CRTAC1: variants seen among roughly 807,000 people sequenced by gnomAD.
The protein encoded by CRTAC1 is cartilage acidic protein 1, also known as acidic secreted protein in cartilage.
Under a neutral mutation model 67.8 loss-of-function variants are expected in CRTAC1, and 37 were observed. That is an observed-to-expected ratio of 0.55 (90% CI 0.42 to 0.72). CRTAC1 has a LOEUF of 0.72. Ranked by LOEUF, CRTAC1 falls within the 30% of genes least tolerant of loss-of-function variation. The pLI is 0.00. For synonymous variants in CRTAC1, 348 were observed against 371.0 expected, an observed-to-expected ratio of 0.94 and a Z score of 0.71; for missense variants, 780 against 931.6, an observed-to-expected ratio of 0.84 and a Z score of 2.12.
chr10:97,903,963 C>G (rs956088157), intron 7 of CRTAC1, among the ~76,000 whole-genome samples: 1 of 151,928 alleles, frequency 6.6e-6, no homozygotes, highest in Non-Finnish European at 1.5e-5. Context: ...CCACTTTGCC[C>G]TTGGTTTGAA....
intron 2 of CRTAC1, among the ~76,000 whole-genome samples, chr10:98,007,447 G>A (rs1336284178): frequency 1.3e-5 from 2 of 152,204 alleles, no homozygotes; most frequent in Non-Finnish European, 2.9e-5. Context: ...AAATTAGAAT[G>A]TGTCTTTCTG....
intron 2 of CRTAC1, among the ~76,000 whole-genome samples, chr10:97,980,564 T>C (rs758525709): frequency 1.4e-4 from 21 of 152,330 alleles, no homozygotes; most frequent in Admixed American, 2.6e-4. Context: ...GAGGTGATAG[T>C]GTCACAGGAG....
Position 98,021,520 on chromosome 10 carries a change from AC to A in CRTAC1, c.24+8928del, listed in dbSNP as rs1416031900. 2.6e-5 allele frequency among the ~76,000 whole-genome samples: 4 copies of A among 152,326 alleles called. No individual in the cohort carries two copies. In the East Asian group the frequency reaches 7.7e-4, roughly 29 times the overall value. ...AAGTCACAGCAGGTTCTTAATAGGT[AC>A]TATTAACTGCTCAGACTTCCCGTTC... On this transcript the variant is annotated intron_variant, in intron 1 of 14. Coordinates refer to ENST00000370597, the MANE Select transcript of CRTAC1 (RefSeq NM_018058.7).
intron 2 of CRTAC1, among the ~76,000 whole-genome samples, chr10:97,938,287 A>T (rs2051120977): frequency 6.6e-6 from 1 of 152,170 alleles, no homozygotes; most frequent in South Asian, 2.1e-4. Context: ...TGGGGACAGG[A>T]AGTGCCTGTG....
At chr10:97,976,207 A>G (rs2051800557) in intron 2 of CRTAC1, among the ~76,000 whole-genome samples, 1 of 152,246 alleles carries the variant, frequency 6.6e-6, no homozygotes, top group East Asian at 1.9e-4. Context: ...CTCTGCGCTC[A>G]TTCCACTTCT....
chr10:97,884,424 C>T, intron 11 of CRTAC1, 73 bp from the exon 12 acceptor site: 2 of 1,324,948 alleles, frequency 1.5e-6, no homozygotes, highest in Non-Finnish European at 2.1e-6. Context: ...TCAGCATCAA[C>T]TAATTCATCC....
intron 1 of CRTAC1, among the ~76,000 whole-genome samples, chr10:98,018,318 C>T (rs1308917937): frequency 1.3e-5 from 2 of 150,222 alleles, no homozygotes; most frequent in Middle Eastern, 3.5e-3. Context: ...GACCTTGGGC[C>T]TATTCCTTGA....
intron 11 of CRTAC1, among the ~76,000 whole-genome samples, chr10:97,886,122 C>T (rs931867959): frequency 5.3e-5 from 8 of 152,086 alleles, no homozygotes; most frequent in Non-Finnish European, 1.0e-4. Context: ...CCTGTAGAGA[C>T]CACTGTGGGG....
chr10:97,882,609 CCCTG>C (rs1463314270), intron 13 of CRTAC1, among the ~76,000 whole-genome samples, 173 bp downstream of exon 13: 2 of 152,208 alleles, frequency 1.3e-5, no homozygotes, highest in Non-Finnish European at 2.9e-5. Context: ...ATCACTCCCA[CCCTG>C]GTGAGTCATG....
At chr10:97,954,989 C>G (rs1010391578) in intron 2 of CRTAC1, among the ~76,000 whole-genome samples, 68 of 152,186 alleles carry the variant, frequency 4.5e-4, no homozygotes, top group Admixed American at 9.8e-4. Flanking sequence ...GGGGGACCAC[C>G]ATTCAACCAC....
chr10:98,002,761 C>CTGTTTTTTTTTTTTTTTTTTTT (rs771351655), intron 2 of CRTAC1, among the ~76,000 whole-genome samples: 2 of 37,268 alleles, frequency 5.4e-5, no homozygotes, highest in African/African-American at 8.0e-5. Flanking sequence ...ACAAAACTCA[C>CTGTTTTTTTTTTTTTTTTTTTT]TTTTTTTTTT....
At chr10:97,881,476 C>A (rs147325385) in intron 13 of CRTAC1, among the ~76,000 whole-genome samples, 1 of 152,178 alleles carries the variant, frequency 6.6e-6, no homozygotes, top group African/African-American at 2.4e-5. Flanking sequence ...TGTGGTCATG[C>A]GTTCAGGGTC....
chr10:97,926,800 T>G (rs917998646), intron 3 of CRTAC1, among the ~76,000 whole-genome samples: 1 of 152,192 alleles, frequency 6.6e-6, no homozygotes, highest in Non-Finnish European at 1.5e-5. Context: ...GACTTGGACT[T>G]AGGCCGCCAT....
chr10:97,974,519 C>T (rs1250982123), intron 2 of CRTAC1, among the ~76,000 whole-genome samples: 1 of 152,228 alleles, frequency 6.6e-6, no homozygotes, highest in Non-Finnish European at 1.5e-5. Context: ...TCTTTCGACA[C>T]TTCCCAATAT....
chr10:97,940,870 A>G (rs1418098325), intron 2 of CRTAC1, among the ~76,000 whole-genome samples: 1 of 152,180 alleles, frequency 6.6e-6, no homozygotes, highest in Non-Finnish European at 1.5e-5. Flanking sequence ...TAGAAAAACA[A>G]CAAACCCGGG....
chr10:97,913,089 T>C (rs932241963), intron 5 of CRTAC1, among the ~76,000 whole-genome samples: 3 of 151,530 alleles, frequency 2.0e-5, no homozygotes, highest in South Asian at 2.1e-4. Context: ...GCAGAAATGC[T>C]GGAAACGTGG....
At chr10:97,896,208 T>C (rs2050457012) in intron 9 of CRTAC1, among the ~76,000 whole-genome samples, 1 of 152,208 alleles carries the variant, frequency 6.6e-6, no homozygotes. Flanking sequence ...CCCTGGTCTT[T>C]GCATGGAGAG....
chr10:97,927,315 C>A (rs191505069), intron 3 of CRTAC1, among the ~76,000 whole-genome samples: 1 of 152,192 alleles, frequency 6.6e-6, no homozygotes, highest in East Asian at 1.9e-4. Flanking sequence ...TGGGAAAGAA[C>A]GCACACTCAC....
chr10:97,883,573 C>T (rs990536122), intron 12 of CRTAC1, among the ~76,000 whole-genome samples: 3 of 152,236 alleles, frequency 2.0e-5, no homozygotes, highest in African/African-American at 7.2e-5. Flanking sequence ...TGACAAAGGT[C>T]CTTGAGCTCC....
Sources: allele counts gnomAD v4.1 joint callset (sites outside exome capture counted in the v4.1 genomes callset), GRCh38; gene constraint gnomAD v4.1.1; transcripts MANE v1.5; gene names NCBI Gene and HGNC (gene_info 2026-07-23, HGNC 2026-07-21).